Variants in MED13L observed in about 807,000 individuals in gnomAD.
The protein encoded by MED13L is mediator of RNA polymerase II transcription subunit 13-like.
A neutral mutation model predicts 220.9 loss-of-function variants in MED13L; 7 were observed. The ratio of observed to expected loss-of-function variants is 0.03; its 90% CI spans 0.02 to 0.06. The LOEUF (loss-of-function observed/expected upper bound fraction) is 0.06. Ranked by LOEUF, MED13L falls within the 10% of genes least tolerant of loss-of-function variation. MED13L has a pLI of 1.00. For synonymous variants in MED13L, 1,011 were observed against 1,015.2 expected (o/e 1.00, Z 0.08); for missense variants, 1,965 against 2,760.5 (o/e 0.71, Z 6.46).
chr12:115,972,544 T>C lies in MED13L; in HGVS notation c.5732-308A>G, dbSNP rs578136536. Reference sequence around the variant, plus strand: ...TTTAGGCACTTAGAGTGCTTTTCCATGATGACAGCAGTGTTAGCTGCCCTA... The same window carrying C: ...TTTAGGCACTTAGAGTGCTTTTCCACGATGACAGCAGTGTTAGCTGCCCTA... On this transcript the variant is annotated intron_variant, in intron 25 of 30. Transcript: ENST00000281928. 10 of 381,522 alleles carry C rather than the reference T, an allele frequency of 2.6e-5. No homozygotes were observed. In the East Asian group the frequency reaches 6.3e-4, roughly 24 times the overall value. 23.6% of individuals were successfully genotyped at this position (381,522 alleles called of 1,614,324 possible).
intron 1 of MED13L, among the ~76,000 whole-genome samples, chr12:116,267,353 C>T (rs1872910270): frequency 6.6e-6 from 1 of 152,166 alleles, no homozygotes; most frequent in Admixed American, 6.5e-5. Flanking sequence ...TAATCCTCTG[C>T]TCCCTAGAAA....
At chr12:116,158,884 C>CT in intron 2 of MED13L, among the ~76,000 whole-genome samples, 1 of 152,164 alleles carries the variant, frequency 6.6e-6, no homozygotes, top group East Asian at 1.9e-4. Flanking sequence ...AGTAACCTCA[C>CT]GTGACTAGTG....
chr12:116,260,403 C>A (rs1872420588), intron 1 of MED13L, among the ~76,000 whole-genome samples: 1 of 152,118 alleles, frequency 6.6e-6, no homozygotes, highest in African/African-American at 2.4e-5. Flanking sequence ...TAAAGTCCAA[C>A]AGTCAGGGTT....
intron 2 of MED13L, among the ~76,000 whole-genome samples, chr12:116,211,882 A>T (rs1882717802): frequency 6.6e-6 from 1 of 152,204 alleles, no homozygotes; most frequent in African/African-American, 2.4e-5. Context: ...AGCACTTTCT[A>T]ATAGCATTGT....
chr12:116,195,527 T>C (rs1881564804), intron 2 of MED13L, among the ~76,000 whole-genome samples: 1 of 152,146 alleles, frequency 6.6e-6, no homozygotes, highest in East Asian at 1.9e-4. Flanking sequence ...CTCGGCTCAC[T>C]GCAACCTCCG....
intron 2 of MED13L, 109 bp from the exon 3 acceptor site, chr12:116,111,621 A>G: frequency 1.3e-6 from 1 of 788,968 alleles, no homozygotes; most frequent in South Asian, 1.6e-5. Context: ...GTTAATTTAA[A>G]TGACTTAAAT....
rs532450767 is a variant in MED13L, at chr12:116,193,729, A to G, written c.310+43739T>C. Among the ~76,000 whole-genome samples, 5 of 152,328 alleles carry G rather than the reference A, an allele frequency of 3.3e-5. No homozygotes were observed. The South Asian group carries it at 1.0e-3, about 32-fold the overall frequency. ...CCCCAAAATCAAAGGAAAAAGCACA[A>G]AGAAATGAAAACCACATATCTGCTT... On this transcript the variant is annotated intron_variant, in intron 2 of 30. Coordinates refer to ENST00000281928, the MANE Select transcript of MED13L (RefSeq NM_015335.5).
chr12:116,261,347 A>G (rs1449574551), intron 1 of MED13L, among the ~76,000 whole-genome samples: 5 of 152,000 alleles, frequency 3.3e-5, no homozygotes, highest in Admixed American at 3.3e-4. Context: ...AAATACAAAA[A>G]TTAGCCGGGC....
intron 14 of MED13L, among the ~76,000 whole-genome samples, chr12:115,998,286 C>G (rs1314780968): frequency 6.6e-6 from 1 of 152,166 alleles, no homozygotes; most frequent in African/African-American, 2.4e-5. Flanking sequence ...AAGTTTGGAG[C>G]CACAGGTTTT....
At position 116,071,161 on chromosome 12, in the gene MED13L, A is replaced by G. The variant is rs2137683290; in HGVS notation, c.479+25508T>C. On this transcript the variant is annotated intron_variant, in intron 4 of 30. Coordinates refer to ENST00000281928, the MANE Select transcript of MED13L (RefSeq NM_015335.5). ...GAATAAAGTAATAAATGTTCATTGA[A>G]GAAAACTGAAAAATACCAGGATATA... is the stretch of plus-strand genomic sequence containing the variant. Among the ~76,000 whole-genome samples the G allele has an allele frequency of 1.3e-5, 2 of 152,304 alleles. 1 individual carries two copies. The highest frequency in any genetic ancestry group is 1.3e-4 in the Admixed American group (2 of 15,280).
intron 2 of MED13L, among the ~76,000 whole-genome samples, chr12:116,196,770 TA>T (rs1162307520): frequency 6.6e-6 from 1 of 152,352 alleles, no homozygotes; most frequent in East Asian, 1.9e-4. Context: ...TGTGTCTACA[TA>T]GCTTAAGAAT....
chr12:116,157,341 G>A (rs1016956688), intron 2 of MED13L, among the ~76,000 whole-genome samples: 9 of 152,050 alleles, frequency 5.9e-5, no homozygotes, highest in African/African-American at 1.7e-4. Flanking sequence ...AACTGTCTGA[G>A]GACAGGGACC....
chr12:116,059,660 C>A (rs1406728607), intron 4 of MED13L, among the ~76,000 whole-genome samples: 3 of 152,086 alleles, frequency 2.0e-5, no homozygotes, highest in African/African-American at 4.8e-5. Context: ...TCAGGTGATC[C>A]GCCTGCCTCA....
intron 1 of MED13L, among the ~76,000 whole-genome samples, chr12:116,255,510 AAAGT>A (rs1871968616): frequency 6.6e-6 from 1 of 152,230 alleles, no homozygotes; most frequent in African/African-American, 2.4e-5. Context: ...TAGATTTATA[AAAGT>A]AATACTTGAC....
intron 2 of MED13L, among the ~76,000 whole-genome samples, chr12:116,165,577 G>A (rs760968767): frequency 6.6e-6 from 1 of 151,442 alleles, no homozygotes; most frequent in Non-Finnish European, 1.5e-5. Flanking sequence ...GATCCCCCCC[G>A]CCTCAGCCTC....
At chr12:116,002,238 T>C (rs1239750854) in intron 14 of MED13L, among the ~76,000 whole-genome samples, 1 of 152,228 alleles carries the variant, frequency 6.6e-6, no homozygotes, top group Non-Finnish European at 1.5e-5. Flanking sequence ...AAATCCAATC[T>C]CTGTATACTT....
intron 1 of MED13L, among the ~76,000 whole-genome samples, chr12:116,250,776 CAAAAAAA>C (rs772459455): frequency 9.1e-5 from 7 of 76,802 alleles, no homozygotes; most frequent in East Asian, 8.6e-4. Context: ...GACTCCTCCT[CAAAAAAA>C]AAAAAAAAAA....
At chr12:116,193,371 T>C (rs939901514) in intron 2 of MED13L, among the ~76,000 whole-genome samples, 2 of 152,210 alleles carry the variant, frequency 1.3e-5, no homozygotes, top group African/African-American at 2.4e-5. Flanking sequence ...AAAATATTTT[T>C]CAATGTAATA....
Position 116,168,250 on chromosome 12 carries a change from G to T in MED13L, c.311-56738C>A, listed in dbSNP as rs909233860. Among the ~76,000 whole-genome samples the T allele has an allele frequency of 2.0e-5, 3 of 151,064 alleles. No homozygotes were observed. In the East Asian group the frequency reaches 5.8e-4, roughly 29 times the overall value. The stretch of plus-strand genomic sequence containing the variant: ...ATTAAATTAATAATGAGAACAAACA[G>T]AGAAGAGCATTAAATAGAAGTAACA... On this transcript the variant is annotated intron_variant, in intron 2 of 30. Coordinates refer to ENST00000281928, the MANE Select transcript of MED13L (RefSeq NM_015335.5).
Sources: allele counts gnomAD v4.1 joint callset (sites outside exome capture counted in the v4.1 genomes callset), GRCh38; gene constraint gnomAD v4.1.1; transcripts MANE v1.5; gene names NCBI Gene and HGNC (gene_info 2026-07-23, HGNC 2026-07-21).